ASRGL1: variants seen among roughly 807,000 people sequenced by gnomAD.
ASRGL1 encodes asparaginase and isoaspartyl peptidase 1.
ASRGL1 carries 16 observed loss-of-function variants against 22.4 expected under a neutral mutation model. That is an observed-to-expected ratio of 0.71 (90% confidence interval 0.48 to 1.08). The LOEUF (loss-of-function observed/expected upper bound fraction) is 1.08, where lower values mean the gene tolerates loss of function less well. Among genes scored for constraint, ASRGL1 ranks in the 50% least tolerant of loss-of-function variants. The pLI is 0.00. For missense variants in ASRGL1, 412 were observed against 410.1 expected (o/e 1.00, Z -0.04); for synonymous variants, 165 against 159.3 (o/e 1.04, Z -0.27).
Position 62,338,091 on chromosome 11 carries a change from C to A in ASRGL1, c.114C>A (p.Leu38=). The stretch of plus-strand genomic sequence containing the variant: ...CCGCCACCGTGGGCTACGGCATCCT[C>A]CGGGAGGGCGGGAGCGCCGTGGATG... ...VRAATVGYGI[L]REGGSAVDAV... is the part of the protein sequence containing the mutation. Residue 38 remains leucine, a synonymous_variant, in exon 2 of 7, where the codon CTC becomes CTA. Transcript: ENST00000415229. 1.2e-6 allele frequency: 2 copies of A among 1,607,380 alleles called. No individual in the cohort carries two copies. The highest frequency in any genetic ancestry group is 1.7e-6 in the Non-Finnish European group (2 of 1,177,406).
At chr11:62,339,028 A>T (rs1945802923) in intron 2 of ASRGL1, among the ~76,000 whole-genome samples, 1 of 152,082 alleles carries the variant, frequency 6.6e-6, no homozygotes. Context: ...GGAAGTCTCC[A>T]GGTAGCAGTC....
chr11:62,359,903 TATA>T lies in ASRGL1; in HGVS notation c.491+2762_491+2764del, dbSNP rs530843308. ...GCCTTTATGTATTGTATTTACTAAT[TATA>T]ATTCATATTTTAACTTTAACATTAA... On this transcript the variant is annotated intron_variant, in intron 4 of 6. Transcript: ENST00000415229. Among the ~76,000 whole-genome samples, 469 of 152,238 alleles carry T rather than the reference TATA, an allele frequency of 3.1e-3. 2 individuals are homozygous for T. The highest frequency in any genetic ancestry group is 0.01 in the African/African-American group (435 of 41,580).
At chr11:62,376,167 G>A (rs1590747424) in intron 4 of ASRGL1, among the ~76,000 whole-genome samples, 1 of 138,930 alleles carries the variant, frequency 7.2e-6, no homozygotes, top group Non-Finnish European at 1.5e-5. Context: ...TCACCTTTGT[G>A]TTCTCAAGGC....
At chr11:62,372,713 T>C (rs1425788210) in intron 4 of ASRGL1, 1 of 1,372,914 alleles carries the variant, frequency 7.3e-7, no homozygotes, top group Non-Finnish European at 1.0e-6. Flanking sequence ...AGCAGAAGGA[T>C]GAGATGGTCC....
Position 62,392,206 on chromosome 11 carries a change from G to A in ASRGL1, c.849G>A (p.Met283Ile). 1 of 1,614,200 alleles carries A rather than the reference G, an allele frequency of 6.2e-7. No homozygotes were observed. Among genetic ancestry groups the A allele is most frequent in the Non-Finnish European group, 8.5e-7 (1 of 1,180,038 alleles). Residue 283 changes from methionine (M) to isoleucine (I), a missense_variant, in exon 7 of 7, where the codon ATG (methionine) becomes ATA (isoleucine). Coordinates refer to ENST00000415229, the MANE Select transcript of ASRGL1 (RefSeq NM_001083926.2). ...TGGCAAAGTGGACCTCCACCTCCATGCCCTGGGCAGCCGCCAAGGACGGCA... is the reference window on the plus strand; with the variant it reads ...TGGCAAAGTGGACCTCCACCTCCATACCCTGGGCAGCCGCCAAGGACGGCA... ...DWVAKWTSTS[M>I]PWAAAKDGKL...
At chr11:62,359,581 T>G (rs556999693) in intron 4 of ASRGL1, among the ~76,000 whole-genome samples, 2 of 152,328 alleles carry the variant, frequency 1.3e-5, no homozygotes, top group South Asian at 2.1e-4. Context: ...TCTGGTGTGT[T>G]TTACACTTAC....
downstream of ASRGL1, among the ~76,000 whole-genome samples, chr11:62,396,033 C>G (rs1171159485): frequency 6.6e-6 from 1 of 152,040 alleles, no homozygotes; most frequent in Non-Finnish European, 1.5e-5. Flanking sequence ...CTCGGCCCCC[C>G]AAAGTGCTGG....
chr11:62,367,584 C>T (rs528346548), intron 4 of ASRGL1, among the ~76,000 whole-genome samples: 7 of 151,704 alleles, frequency 4.6e-5, no homozygotes, highest in African/African-American at 1.5e-4. Flanking sequence ...GTGGAGGTTG[C>T]GGTGAGCTGA....
At chr11:62,367,534 C>T (rs1321695403) in intron 4 of ASRGL1, among the ~76,000 whole-genome samples, 6 of 151,852 alleles carry the variant, frequency 4.0e-5, no homozygotes, top group Non-Finnish European at 7.4e-5. Flanking sequence ...ATTCCAGCTA[C>T]TTGGGAGGCT....
chr11:62,352,165 G>C (rs993873793), intron 2 of ASRGL1, among the ~76,000 whole-genome samples: 1 of 152,212 alleles, frequency 6.6e-6, no homozygotes, highest in African/African-American at 2.4e-5. Flanking sequence ...TAAGGATGGA[G>C]TCCTGAACCA....
downstream of ASRGL1, among the ~76,000 whole-genome samples, chr11:62,395,034 G>T (rs1037372207): frequency 2.6e-5 from 4 of 152,194 alleles, no homozygotes; most frequent in Non-Finnish European, 4.4e-5. Flanking sequence ...GGCTTCAGCC[G>T]CCCAAAGGGA....
chr11:62,397,475 A>G (rs2134715416), downstream of ASRGL1, among the ~76,000 whole-genome samples: 1 of 152,076 alleles, frequency 6.6e-6, no homozygotes, highest in Non-Finnish European at 1.5e-5. Flanking sequence ...GACCAGTCTG[A>G]CCAACATGGA....
rs1267506260 is a variant in ASRGL1 at position 62,338,109 on chromosome 11, C to A, written c.132C>A (p.Ala44=). ...GCATCCTCCGGGAGGGCGGGAGCGC[C>A]GTGGATGCCGTAGAGGGAGCTGTCG... is the stretch of plus-strand genomic sequence containing the variant. ...GYGILREGGS[A]VDAVEGAVVA... Residue 44 remains alanine, a synonymous_variant, in exon 2 of 7, where the codon GCC becomes GCA. Transcript: ENST00000415229. 1 of 1,606,762 alleles carries A rather than the reference C, an allele frequency of 6.2e-7. No individual in the cohort carries two copies. The highest frequency in any genetic ancestry group is 2.2e-5 in the East Asian group (1 of 44,674).
At chr11:62,394,167 TTATA>T (rs2134711750), downstream of ASRGL1, among the ~76,000 whole-genome samples, 1 of 136,316 alleles carries the variant, frequency 7.3e-6, no homozygotes, top group South Asian at 2.1e-4. Context: ...TACATATATA[TTATA>T]TATCATATAA....
chr11:62,366,034 C>G (rs1946602695), intron 4 of ASRGL1, among the ~76,000 whole-genome samples: 1 of 147,408 alleles, frequency 6.8e-6, no homozygotes, highest in East Asian at 2.0e-4. Flanking sequence ...CCAAGACAGG[C>G]AGACTGCCCG....
downstream of ASRGL1, among the ~76,000 whole-genome samples, chr11:62,397,053 G>A (rs1590769088): frequency 3.3e-5 from 5 of 151,946 alleles, no homozygotes; most frequent in South Asian, 6.2e-4. Context: ...TTTTTGAGAC[G>A]GAGTCTCACT....
chr11:62,381,855 T>A (rs1484661646), intron 4 of ASRGL1: 4 of 152,850 alleles, frequency 2.6e-5, no homozygotes, highest in African/African-American at 9.7e-5. Context: ...CGGGAATCTC[T>A]CATCAACTTG....
At chr11:62,349,165 C>T (rs566672481) in intron 2 of ASRGL1, among the ~76,000 whole-genome samples, 13 of 152,218 alleles carry the variant, frequency 8.5e-5, no homozygotes, top group Admixed American at 2.0e-4. Context: ...GACGGGGTTT[C>T]ACCATGTTGG....
At chr11:62,367,847 CAGG>C (rs758351122) in intron 4 of ASRGL1, among the ~76,000 whole-genome samples, 8 of 152,138 alleles carry the variant, frequency 5.3e-5, no homozygotes, top group Admixed American at 3.3e-4. Context: ...GAGGCTGAGG[CAGG>C]AGAATAGCTT....
Sources: allele counts gnomAD v4.1 joint callset (sites outside exome capture counted in the v4.1 genomes callset), GRCh38; gene constraint gnomAD v4.1.1; transcripts MANE v1.5; gene names NCBI Gene and HGNC (gene_info 2026-07-23, HGNC 2026-07-21).